Variants in DDI2 observed in about 807,000 individuals in gnomAD.
DDI2 encodes protein DDI1 homolog 2.
A neutral mutation model predicts 48.1 loss-of-function variants in DDI2; 5 were observed. The observed-to-expected ratio is 0.10, with a 90% confidence interval of 0.05 to 0.22. The LOEUF (loss-of-function observed/expected upper bound fraction) is 0.22. Among genes scored for constraint, DDI2 ranks in the 10% least tolerant of loss-of-function variants. The probability of loss-of-function intolerance (pLI) is 1.00; values close to 1 mark genes in which losing one functional copy is unlikely to be tolerated. For missense variants in DDI2, 285 were observed against 506.2 expected (o/e 0.56, Z 4.19); for synonymous variants, 205 against 183.6 (o/e 1.12, Z -0.94).
At chr1:15,643,784 G>A (rs1350494185) in intron 6 of DDI2, 134 bp downstream of exon 6, 1 of 1,274,610 alleles carries the variant, frequency 7.8e-7, no homozygotes, top group African/African-American at 1.5e-5. Flanking sequence ...GTGTGGGTAT[G>A]TCTGAGCTAG....
chr1:15,644,285 T>A (rs1358614498), intron 6 of DDI2, among the ~76,000 whole-genome samples: 1 of 152,212 alleles, frequency 6.6e-6, no homozygotes, highest in Non-Finnish European at 1.5e-5. Context: ...CTCTTCTGTC[T>A]TGTGTTGGAT....
At chr1:15,622,333 A>C (rs1297505059) in intron 1 of DDI2, among the ~76,000 whole-genome samples, 1 of 151,376 alleles carries the variant, frequency 6.6e-6, no homozygotes, top group East Asian at 1.9e-4. Context: ...CTACTAGTTT[A>C]TGTTCTGTAA....
chr1:15,635,520 C>G (rs1407612397), intron 4 of DDI2, among the ~76,000 whole-genome samples: 1 of 152,180 alleles, frequency 6.6e-6, no homozygotes, highest in Non-Finnish European at 1.5e-5. Flanking sequence ...ATTCTCCTGC[C>G]TCAGCCTTCT....
At chr1:15,632,520 C>T (rs1290080224) in intron 3 of DDI2, among the ~76,000 whole-genome samples, 4 of 151,826 alleles carry the variant, frequency 2.6e-5, no homozygotes, top group Non-Finnish European at 5.9e-5. Flanking sequence ...GCAACAAGAG[C>T]GAAACTCCAT....
intron 4 of DDI2, among the ~76,000 whole-genome samples, chr1:15,637,730 T>A (rs1220197099): frequency 6.6e-6 from 1 of 152,136 alleles, no homozygotes; most frequent in Non-Finnish European, 1.5e-5. Context: ...CACATGTAGT[T>A]TTAAGTGATG....
chr1:15,660,672 G>A lies in DDI2; in HGVS notation c.*882G>A. On this transcript the variant is annotated 3_prime_UTR_variant, in exon 10 of 10. Coordinates refer to ENST00000480945, the MANE Select transcript of DDI2 (RefSeq NM_032341.5). ...CTTTGCTTAATTCAACAGGCAGGCAGAATGCCAATGTCAAGAACATTGGTG... is the reference window on the plus strand; with the variant it reads ...CTTTGCTTAATTCAACAGGCAGGCAAAATGCCAATGTCAAGAACATTGGTG... The A allele has an allele frequency of 6.2e-7, 1 of 1,614,186 alleles. No individual in the cohort carries two copies. The highest frequency in any genetic ancestry group is 8.5e-7 in the Non-Finnish European group (1 of 1,180,042).
At chr1:15,643,101 C>T (rs1318774416) in intron 5 of DDI2, among the ~76,000 whole-genome samples, 4 of 152,010 alleles carry the variant, frequency 2.6e-5, no homozygotes, top group Admixed American at 2.0e-4. Flanking sequence ...GACATGATGG[C>T]GCAAGCCTGT....
chr1:15,617,593 G>A lies in DDI2; in HGVS notation c.-78G>A, dbSNP rs947365605. 2 of 1,220,672 alleles carry A rather than the reference G, an allele frequency of 1.6e-6. No homozygotes were observed. Among genetic ancestry groups the A allele is most frequent in the African/African-American group, 3.2e-5 (2 of 63,368 alleles). 75.6% of individuals were successfully genotyped at this position (1,220,672 alleles called of 1,614,324 possible). On this transcript the variant is annotated 5_prime_UTR_variant, in exon 1 of 10. Transcript: ENST00000480945. Reference sequence around the variant, plus strand: ...CGCCGTCCTCCCGCAGCACCAGCCAGGCCACGCCGCCGCCTCTTCCCCTGC... The same window carrying A: ...CGCCGTCCTCCCGCAGCACCAGCCAAGCCACGCCGCCGCCTCTTCCCCTGC...
rs886504170 is a variant in DDI2, at chr1:15,649,642, G to T, written c.890-78G>T. 16 of 1,454,678 alleles carry T rather than the reference G, an allele frequency of 1.1e-5. No homozygotes were observed. In the African/African-American group the frequency reaches 2.0e-4, roughly 18 times the overall value. 90.1% of individuals were successfully genotyped at this position (1,454,678 alleles called of 1,614,324 possible). Reference sequence around the variant, plus strand: ...GCCAGGATTATGCCATTGCACTCCAGCCTGGGCAACAAGAGCGAAACTCCG... The same window carrying T: ...GCCAGGATTATGCCATTGCACTCCATCCTGGGCAACAAGAGCGAAACTCCG... On this transcript the variant is annotated intron_variant, in intron 6 of 9. Coordinates refer to ENST00000480945, the MANE Select transcript of DDI2 (RefSeq NM_032341.5).
intron 2 of DDI2, among the ~76,000 whole-genome samples, chr1:15,628,001 G>A (rs1460471610): frequency 6.6e-6 from 1 of 151,852 alleles, no homozygotes; most frequent in East Asian, 1.9e-4. Context: ...ATGACAATCA[G>A]TAAAAACCAC....
intron 2 of DDI2, 41 bp from the exon 3 acceptor site, chr1:15,630,283 TG>T: frequency 1.3e-6 from 2 of 1,596,036 alleles, no homozygotes; most frequent in Non-Finnish European, 1.7e-6. Context: ...TGCTTGTTTT[TG>T]TAGAGTAATT....
chr1:15,628,412 A>G (rs1360341803), intron 2 of DDI2, among the ~76,000 whole-genome samples: 1 of 152,226 alleles, frequency 6.6e-6, no homozygotes, highest in Non-Finnish European at 1.5e-5. Context: ...TGAGGTCCAA[A>G]AAGGCTTCAG....
rs546862529 is a variant in DDI2, at chr1:15,666,229, A to G, written c.*6439A>G. The G allele has an allele frequency of 3.3e-5, 5 of 152,336 alleles. No homozygotes were observed. Among genetic ancestry groups the G allele is most frequent in the African/African-American group, 9.6e-5 (4 of 41,578 alleles). The allele number at this position is 152,336 out of a possible 1,614,324, so 9.4% of individuals were successfully genotyped here. A position where few individuals can be genotyped will look rare whatever the true frequency, so the allele number is the denominator to read the frequency against. ...TACTAGGAGTTCACTGAATGAACTTAGGAGTGAACCTTCGATGTGCTTGAT... is the reference window on the plus strand; with the variant it reads ...TACTAGGAGTTCACTGAATGAACTTGGGAGTGAACCTTCGATGTGCTTGAT... On this transcript the variant is annotated 3_prime_UTR_variant, in exon 10 of 10. Transcript: ENST00000480945.
intron 4 of DDI2, chr1:15,633,927 C>CT: frequency 4.7e-6 from 2 of 424,402 alleles, no homozygotes; most frequent in Middle Eastern, 6.9e-4. Flanking sequence ...ATTTGACTCT[C>CT]TTTCTTTAGA....
At chr1:15,620,787 T>TAACGTGCATTATATGCATATATAATAC (rs1639647977) in intron 1 of DDI2, among the ~76,000 whole-genome samples, 1 of 151,976 alleles carries the variant, frequency 6.6e-6, no homozygotes, top group African/African-American at 2.4e-5. Flanking sequence ...ATATATAATA[T>TAACGTGCATTATATGCATATATAATAC]GTTATCTGTA....
chr1:15,650,513 G>T (rs1034051523), intron 7 of DDI2, among the ~76,000 whole-genome samples: 2 of 152,140 alleles, frequency 1.3e-5, no homozygotes, highest in Admixed American at 1.3e-4. Flanking sequence ...GGGAGGCCAA[G>T]GAGGGAGGAT....
At chr1:15,652,035 C>A in intron 8 of DDI2, 140 bp downstream of exon 8, 15 of 368,176 alleles carry the variant, frequency 4.1e-5, no homozygotes, top group South Asian at 9.4e-5. Flanking sequence ...TATTTGTCTT[C>A]TTAACCTCCT....
chr1:15,647,729 A>T (rs1016561752), intron 6 of DDI2, among the ~76,000 whole-genome samples: 1 of 152,098 alleles, frequency 6.6e-6, no homozygotes, highest in Non-Finnish European at 1.5e-5. Flanking sequence ...TGAGAGGCCA[A>T]GGTGGGCAGA....
chr1:15,646,810 TTTC>T (rs1455764338), intron 6 of DDI2, among the ~76,000 whole-genome samples: 1 of 152,246 alleles, frequency 6.6e-6, no homozygotes, highest in Admixed American at 6.5e-5. Context: ...TTGTTTTTGT[TTTC>T]TTCTTCCATT....
Sources: gnomAD v4.1 joint callset for allele counts (sites outside exome capture counted in the v4.1 genomes callset) on GRCh38, gnomAD v4.1.1 for gene constraint, MANE v1.5 for transcripts, NCBI Gene and HGNC (gene_info 2026-07-23, HGNC 2026-07-21) for gene names.